Variants in KIF11 observed in about 807,000 individuals in gnomAD.
The protein encoded by KIF11 is kinesin-like protein KIF11.
KIF11 carries 9 observed loss-of-function variants against 121.0 expected under a neutral mutation model. The ratio of observed to expected loss-of-function variants is 0.07; its 90% confidence interval spans 0.04 to 0.13. The LOEUF (loss-of-function observed/expected upper bound fraction) is 0.13. Among genes scored for constraint, KIF11 ranks in the 10% least tolerant of loss-of-function variants. KIF11 has a pLI of 1.00. For missense variants in KIF11, 846 were observed against 1,217.5 expected, an observed-to-expected ratio of 0.69 and a Z score of 4.54; for synonymous variants, 408 against 421.0, an observed-to-expected ratio of 0.97 and a Z score of 0.38.
At chr10:92,619,223 C>T (rs776114020) in intron 9 of KIF11, among the ~76,000 whole-genome samples, 33 of 152,062 alleles carry the variant, frequency 2.2e-4, no homozygotes, top group South Asian at 1.7e-3. Flanking sequence ...TCACCATGTT[C>T]GCCAGGCTGG....
chr10:92,603,973 A>G (rs1458040641), intron 1 of KIF11, among the ~76,000 whole-genome samples: 1 of 152,144 alleles, frequency 6.6e-6, no homozygotes, highest in Admixed American at 6.6e-5. Flanking sequence ...CATAGTAAGT[A>G]CTTGATGAAT....
chr10:92,608,786 C>T (rs1454106705), intron 4 of KIF11, among the ~76,000 whole-genome samples: 1 of 152,098 alleles, frequency 6.6e-6, no homozygotes, highest in Admixed American at 6.6e-5. Context: ...ATGTAATGCT[C>T]AGGGATGAAG....
chr10:92,624,228 C>CTT (rs201871020), intron 10 of KIF11, among the ~76,000 whole-genome samples: 40 of 99,828 alleles, frequency 4.0e-4, no homozygotes, highest in African/African-American at 6.1e-4. Flanking sequence ...TGATCTCATT[C>CTT]TTTTTTTTTT....
intron 10 of KIF11, 117 bp downstream of exon 10, chr10:92,621,590 T>C (rs1844618050): frequency 1.7e-6 from 1 of 573,950 alleles, no homozygotes; most frequent in Non-Finnish European, 2.9e-6. Context: ...CGATAAATAC[T>C]TCATTTTGTG....
intron 2 of KIF11, 40 bp from the exon 3 acceptor site, chr10:92,606,579 T>C (rs1468050092): frequency 1.5e-6 from 2 of 1,318,740 alleles, no homozygotes; most frequent in Non-Finnish European, 2.1e-6. Flanking sequence ...AAATGAGTAA[T>C]TTTGAGGTTG....
At chr10:92,620,782 C>G (rs1462640740) in intron 9 of KIF11, among the ~76,000 whole-genome samples, 1 of 152,166 alleles carries the variant, frequency 6.6e-6, no homozygotes, top group Non-Finnish European at 1.5e-5. Flanking sequence ...TTTGTAAAAC[C>G]ATCAGATCTC....
chr10:92,601,690 C>G (rs2135897790), intron 1 of KIF11, among the ~76,000 whole-genome samples: 1 of 150,882 alleles, frequency 6.6e-6, no homozygotes, highest in East Asian at 1.9e-4. Context: ...CTACTACACC[C>G]AGCTAATTAA....
chr10:92,620,436 T>A (rs1456629446), intron 9 of KIF11, among the ~76,000 whole-genome samples: 2 of 152,162 alleles, frequency 1.3e-5, no homozygotes, highest in African/African-American at 2.4e-5. Context: ...TTCCTTTATT[T>A]GCCAATTTTG....
chr10:92,627,126 TCTC>T (rs1470618242), intron 10 of KIF11, among the ~76,000 whole-genome samples: 2 of 152,218 alleles, frequency 1.3e-5, no homozygotes, highest in Non-Finnish European at 2.9e-5. Context: ...AATTAACTCT[TCTC>T]TTACAGCTCT....
chr10:92,644,328 T>C (rs1844897649), intron 17 of KIF11, among the ~76,000 whole-genome samples: 1 of 152,118 alleles, frequency 6.6e-6, no homozygotes, highest in African/African-American at 2.4e-5. Context: ...TTTGTTTTTT[T>C]TATTTGAGAC....
At chr10:92,617,245 A>C (rs936859051) in intron 9 of KIF11, among the ~76,000 whole-genome samples, 1 of 152,242 alleles carries the variant, frequency 6.6e-6, no homozygotes, top group East Asian at 1.9e-4. Context: ...GCTCCTTTAC[A>C]ATCATGTGGC....
At chr10:92,614,240 G>T (rs896152217) in intron 8 of KIF11, among the ~76,000 whole-genome samples, 12 of 151,914 alleles carry the variant, frequency 7.9e-5, no homozygotes, top group African/African-American at 2.9e-4. Context: ...GGGATTACAG[G>T]CACCTGCCAC....
At chr10:92,601,431 G>A (rs535972355) in intron 1 of KIF11, among the ~76,000 whole-genome samples, 1 of 150,928 alleles carries the variant, frequency 6.6e-6, no homozygotes, top group East Asian at 2.0e-4. Flanking sequence ...GGCTGGTCTC[G>A]ATCTCCTGAC....
chr10:92,644,969 C>T (rs1252933840), intron 17 of KIF11, among the ~76,000 whole-genome samples: 1 of 152,126 alleles, frequency 6.6e-6, no homozygotes, highest in East Asian at 1.9e-4. Flanking sequence ...GTTTTACATA[C>T]TAGGCAAGGG....
At chr10:92,597,673 C>T (rs888519508) in intron 1 of KIF11, among the ~76,000 whole-genome samples, 11 of 150,732 alleles carry the variant, frequency 7.3e-5, no homozygotes, top group East Asian at 5.9e-4. Context: ...TTTTTTGAGA[C>T]GGAATTTTGC....
At chr10:92,608,399 A>G (rs1844454124) in intron 4 of KIF11, among the ~76,000 whole-genome samples, 1 of 152,152 alleles carries the variant, frequency 6.6e-6, no homozygotes, top group Admixed American at 6.5e-5. Flanking sequence ...GGAGATATGG[A>G]ATAGGCTTAA....
chr10:92,608,969 G>A, intron 4 of KIF11, 51 bp from the exon 5 acceptor site: 3 of 1,047,686 alleles, frequency 2.9e-6, no homozygotes, highest in Middle Eastern at 3.2e-4. Flanking sequence ...TATTTTAACT[G>A]CCACAGTAAA....
chr10:92,626,292 C>T (rs1450851894), intron 10 of KIF11, among the ~76,000 whole-genome samples: 2 of 152,174 alleles, frequency 1.3e-5, no homozygotes, highest in Non-Finnish European at 2.9e-5. Context: ...TGATCTTCGA[C>T]AGAACATGCA....
chr10:92,608,110 A>T (rs10882087), intron 4 of KIF11, among the ~76,000 whole-genome samples: 55,786 of 146,820 alleles, frequency 0.38, 11,824 homozygotes, highest in East Asian at 0.75. Context: ...TAGTTAATTT[A>T]AAAAAAAAAA....
Sources: allele counts gnomAD v4.1 joint callset (sites outside exome capture counted in the v4.1 genomes callset), GRCh38; gene constraint gnomAD v4.1.1; transcripts MANE v1.5; gene names NCBI Gene and HGNC (gene_info 2026-07-23, HGNC 2026-07-21).